Variants in KMT2C observed in about 807,000 individuals in gnomAD.
KMT2C encodes the protein lysine methyltransferase 2C.
KMT2C carries 88 observed loss-of-function variants against 507.9 expected under a neutral mutation model. The observed-to-expected ratio is 0.17, with a 90% CI of 0.15 to 0.21. KMT2C has a LOEUF of 0.21. Among genes scored for constraint, KMT2C ranks in the 10% least tolerant of loss-of-function variants. The probability of loss-of-function intolerance (pLI) is 1.00; values close to 1 mark genes in which losing one functional copy is unlikely to be tolerated. For missense variants in KMT2C, 4,954 were observed against 5,957.8 expected (o/e 0.83, Z 5.55); for synonymous variants, 2,049 against 2,080.8 (o/e 0.98, Z 0.42).
At chr7:152,284,779 A>G (rs928404454) in intron 6 of KMT2C, among the ~76,000 whole-genome samples, 2 of 152,212 alleles carry the variant, frequency 1.3e-5, no homozygotes, top group Admixed American at 1.3e-4. Flanking sequence ...GTCACCAAAG[A>G]TACACAAATG....
At chr7:152,195,412 A>G (rs2093933617) in intron 28 of KMT2C, 2 of 352,078 alleles carry the variant, frequency 5.7e-6, no homozygotes, top group African/African-American at 2.2e-5. Context: ...ATTAGTGACA[A>G]ATTAGCACTA....
At chr7:152,384,543 G>A (rs2097403024) in intron 1 of KMT2C, among the ~76,000 whole-genome samples, 1 of 10,390 alleles carries the variant, frequency 9.6e-5, no homozygotes, top group African/African-American at 3.9e-4. Flanking sequence ...TCCCCCATGT[G>A]CATAACACCA....
At chr7:152,348,162 G>A (rs140558876) in intron 2 of KMT2C, among the ~76,000 whole-genome samples, 119 of 152,214 alleles carry the variant, frequency 7.8e-4, no homozygotes, top group African/African-American at 2.7e-3. Flanking sequence ...ATCTGAATAC[G>A]TCTATACCTA....
chr7:152,331,979 A>G (rs777105572), intron 2 of KMT2C, among the ~76,000 whole-genome samples: 4 of 152,172 alleles, frequency 2.6e-5, no homozygotes, highest in African/African-American at 4.8e-5. Context: ...GATTATAGCA[A>G]TTGGTCTACA....
rs184277355 is a variant in KMT2C at position 152,280,862 on chromosome 7, A to G, written c.850-6995T>C. ...TTACATTTTTAAGATTTTTTTTTAA[A>G]CATTATACTTACATTACACAATGTC... On this transcript the variant is annotated intron_variant, in intron 6 of 58. Transcript: ENST00000262189. Among the ~76,000 whole-genome samples, 73 of 152,230 alleles carry G rather than the reference A, an allele frequency of 4.8e-4. 1 individual carries two copies. Among genetic ancestry groups the G allele is most frequent in the Admixed American group, 1.9e-3 (29 of 15,296 alleles).
intron 57 of KMT2C, 132 bp downstream of exon 57, chr7:152,139,054 C>A: frequency 9.9e-7 from 1 of 1,011,170 alleles, no homozygotes; most frequent in South Asian, 1.4e-5. Context: ...TAAAAATTCT[C>A]AACTCATTTG....
In KMT2C at chr7:152,249,956, G is replaced by T; in HGVS notation, c.1736-3C>A. The T allele has an allele frequency of 6.3e-7, 1 of 1,597,338 alleles. No individual in the cohort carries two copies. The highest frequency in any genetic ancestry group is 8.6e-7 in the Non-Finnish European group (1 of 1,165,758). On this transcript the variant is annotated splice_polypyrimidine_tract_variant and splice_region_variant and intron_variant, in intron 12 of 58. Transcript: ENST00000262189. ...CTCTTCAGTGTGGACTTGAACCGCT[G>T]TGAGTAACACATTTATAAAATCTCT...
At chr7:152,170,773 T>G (rs939440404) in intron 40 of KMT2C, among the ~76,000 whole-genome samples, 47 of 152,288 alleles carry the variant, frequency 3.1e-4, no homozygotes, top group African/African-American at 1.1e-3. Context: ...AGTGCTGGGA[T>G]TAGAGGAGTG....
intron 2 of KMT2C, among the ~76,000 whole-genome samples, chr7:152,356,375 G>A (rs1159556220): frequency 6.6e-6 from 1 of 151,854 alleles, no homozygotes; most frequent in African/African-American, 2.4e-5. Flanking sequence ...AGGAGTTCGA[G>A]GCCAGCCTGG....
intron 23 of KMT2C, among the ~76,000 whole-genome samples, chr7:152,208,312 C>A (rs1444443980): frequency 6.6e-6 from 1 of 152,214 alleles, no homozygotes; most frequent in East Asian, 1.9e-4. Context: ...TCCCCAATTT[C>A]TGCCTTCTAC....
intron 6 of KMT2C, among the ~76,000 whole-genome samples, chr7:152,292,259 T>A (rs1162599394): frequency 2.6e-5 from 4 of 152,166 alleles, no homozygotes; most frequent in Non-Finnish European, 5.9e-5. Flanking sequence ...TTTTCTTGTT[T>A]TAACATGATA....
At chr7:152,139,648 A>G (rs2090297145) in intron 56 of KMT2C, 27 bp downstream of exon 56, 1 of 1,445,642 alleles carries the variant, frequency 6.9e-7, no homozygotes, top group Non-Finnish European at 9.7e-7. Flanking sequence ...GGTGCTGTGT[A>G]TACAATCTCG....
chr7:152,305,410 C>A (rs889046089), intron 6 of KMT2C, among the ~76,000 whole-genome samples: 2 of 152,196 alleles, frequency 1.3e-5, no homozygotes, highest in Non-Finnish European at 2.9e-5. Context: ...TGAGGTGGAT[C>A]TGCGTCTGCG....
intron 51 of KMT2C, among the ~76,000 whole-genome samples, chr7:152,150,039 A>C (rs897824578): frequency 1.3e-5 from 2 of 152,260 alleles, no homozygotes; most frequent in African/African-American, 4.8e-5. Context: ...ATAAGTCTTC[A>C]GAATGTTCTT....
At chr7:152,214,808 G>T (rs1412707620) in intron 23 of KMT2C, among the ~76,000 whole-genome samples, 2 of 152,046 alleles carry the variant, frequency 1.3e-5, no homozygotes, top group Admixed American at 6.5e-5. Context: ...TGGAGGTAGG[G>T]GATGGGTGGG....
At chr7:152,180,265 C>A in intron 36 of KMT2C, 139 bp from the exon 37 acceptor site, 2 of 841,176 alleles carry the variant, frequency 2.4e-6, no homozygotes, top group South Asian at 1.6e-5. Context: ...AAGTGATCCT[C>A]CTGTCTCAGC....
In KMT2C at chr7:152,249,896, G is replaced by T. The variant is rs779754493; in HGVS notation, c.1793C>A (p.Thr598Lys). The part of the protein sequence containing the change: ...QKSHPSESLD[T>K]DSLLIAVSSQ... The stretch of plus-strand genomic sequence containing the variant: ...CTTACCAGCAATAAGAAGACTATCT[G>T]TGTCAAGACTTTCTGAGGGATGACT... The change falls in exon 13 of 59, where the codon ACA becomes AAA. Residue 598 changes from threonine to lysine, a missense_variant. Physicochemically the swap from Thr to Lys is moderately conservative, Grantham distance 78. Transcript: ENST00000262189. 7 of 1,598,536 alleles carry T rather than the reference G, an allele frequency of 4.4e-6. No homozygotes were observed. The South Asian group carries it at 7.7e-5, about 18-fold the overall frequency.
chr7:152,301,784 A>G (rs971442039), intron 6 of KMT2C, among the ~76,000 whole-genome samples: 1 of 152,250 alleles, frequency 6.6e-6, no homozygotes, highest in Non-Finnish European at 1.5e-5. Flanking sequence ...GATTCTATAG[A>G]AAATAAAACA....
intron 2 of KMT2C, among the ~76,000 whole-genome samples, chr7:152,336,837 A>T (rs1416436043): frequency 6.6e-6 from 1 of 152,196 alleles, no homozygotes; most frequent in African/African-American, 2.4e-5. Flanking sequence ...CCTAAAATAC[A>T]GGCAATGACA....
Sources: allele counts gnomAD v4.1 joint callset (sites outside exome capture counted in the v4.1 genomes callset), GRCh38; gene constraint gnomAD v4.1.1; transcripts MANE v1.5; gene names NCBI Gene and HGNC (gene_info 2026-07-23, HGNC 2026-07-21).